KIFC3: variants seen among roughly 807,000 people sequenced by gnomAD.
KIFC3 encodes kinesin-like protein KIFC3.
KIFC3 carries 60 observed loss-of-function variants against 101.8 expected under a neutral mutation model. That is an observed-to-expected ratio of 0.59 (90% confidence interval 0.48 to 0.73). The LOEUF (loss-of-function observed/expected upper bound fraction) is 0.73. Among genes scored for constraint, KIFC3 ranks in the 30% least tolerant of loss-of-function variants. The probability of loss-of-function intolerance (pLI) is 0.00; values close to 1 mark genes in which losing one functional copy is unlikely to be tolerated. For synonymous variants in KIFC3, 476 were observed against 482.7 expected (o/e 0.99, Z 0.18); for missense variants, 966 against 1,137.1 (o/e 0.85, Z 2.16).
intron 3 of KIFC3, among the ~76,000 whole-genome samples, chr16:57,793,369 G>A (rs1308614291): frequency 6.6e-6 from 1 of 151,548 alleles, no homozygotes; most frequent in African/African-American, 2.4e-5. Flanking sequence ...GGGGCGGGCA[G>A]ATCACTCGAG....
intron 1 of KIFC3, among the ~76,000 whole-genome samples, chr16:57,827,861 A>G (rs958465459): frequency 6.6e-6 from 1 of 152,216 alleles, no homozygotes; most frequent in Admixed American, 6.5e-5. Flanking sequence ...AAGAAAAGAA[A>G]AATACCTCAT....
chr16:57,813,975 T>A, intron 1 of KIFC3: 1 of 573,106 alleles, frequency 1.7e-6, no homozygotes, highest in South Asian at 7.6e-5. Context: ...ACTGTCCTCA[T>A]GCTATAGATT....
chr16:57,788,640 G>A (rs1323456287), intron 3 of KIFC3: 41 of 1,289,450 alleles, frequency 3.2e-5, no homozygotes, highest in East Asian at 5.5e-5. Context: ...GGGGGCCGGC[G>A]CCTGTCTCTT....
chr16:57,770,071 CAT>C lies in KIFC3; in HGVS notation c.940-118_940-117del, dbSNP rs782250842. On this transcript the variant is annotated intron_variant, in intron 7 of 19. Coordinates refer to ENST00000445690, the MANE Select transcript of KIFC3 (RefSeq NM_001130100.2). The stretch of plus-strand genomic sequence containing the variant: ...GCACATGAACACACATGCACACACA[CAT>C]GTGCACACCCAGAGGGGCAGAATGG... 157 of 1,233,644 alleles carry C rather than the reference CAT, an allele frequency of 1.3e-4. 1 individual carries two copies. In the East Asian group the frequency reaches 3.0e-3, roughly 24 times the overall value. 76.4% of individuals were successfully genotyped at this position (1,233,644 alleles called of 1,614,324 possible).
chr16:57,798,463 G>T, intron 1 of KIFC3, 181 bp from the exon 2 acceptor site: 1 of 618,750 alleles, frequency 1.6e-6, no homozygotes, highest in South Asian at 1.9e-5. Context: ...GGGGCCTGCT[G>T]CCTTTTGGGG....
At chr16:57,806,502 G>A (rs2054941020), upstream of KIFC3, among the ~76,000 whole-genome samples, 1 of 152,116 alleles carries the variant, frequency 6.6e-6, no homozygotes, top group Admixed American at 6.6e-5. Flanking sequence ...TTCAGGACAG[G>A]ACCCTTTCGT....
At chr16:57,775,513 G>A (rs1226680696) in intron 3 of KIFC3, 7 of 987,598 alleles carry the variant, frequency 7.1e-6, no homozygotes, top group Non-Finnish European at 8.4e-6. Flanking sequence ...CAGGCAAGAA[G>A]TCAGAGAGAA....
Position 57,760,879 on chromosome 16 carries a change from C to T in KIFC3, c.2079G>A (p.Glu693=), listed in dbSNP as rs1329089273. Residue 693 remains glutamate, a synonymous_variant, in exon 16 of 20, where the codon GAG becomes GAA. Transcript: ENST00000445690. ...ACAGCGACTTGTTGATGTGCTGCGC[C>T]TCCCGCAGGCGGCTGCCCTCGGCCC... ...KSGAEGSRLR[E]AQHINKSLSA... The T allele has an allele frequency of 6.2e-7, 1 of 1,611,590 alleles. No homozygotes were observed. Among genetic ancestry groups the T allele is most frequent in the Non-Finnish European group, 8.5e-7 (1 of 1,179,828 alleles).
intron 17 of KIFC3, 46 bp from the exon 18 acceptor site, chr16:57,759,882 G>T: frequency 6.9e-7 from 1 of 1,439,854 alleles, no homozygotes; most frequent in Non-Finnish European, 9.5e-7. Context: ...GGCTGCCCTG[G>T]CTCCCCACCC....
chr16:57,759,980 TCA>T lies in KIFC3; in HGVS notation c.2368-146_2368-145del, dbSNP rs1265118031. On this transcript the variant is annotated intron_variant, in intron 17 of 19. Coordinates refer to ENST00000445690, the MANE Select transcript of KIFC3 (RefSeq NM_001130100.2). ...TGGGCATGATGTTTGTGCCCCAGCC[TCA>T]GTTATGGCAAGAATTAAATGAGATA... 9 of 642,270 alleles carry T rather than the reference TCA, an allele frequency of 1.4e-5. No homozygotes were observed. The East Asian group carries it at 1.4e-4, about 10-fold the overall frequency. The allele number at this position is 642,270 out of a possible 1,614,324, so 39.8% of individuals were successfully genotyped here.
At chr16:57,843,406 C>T (rs247040) in intron 1 of KIFC3, among the ~76,000 whole-genome samples, 114,127 of 152,016 alleles carry the variant, frequency 0.75, 43,054 homozygotes, top group East Asian at 0.9. Flanking sequence ...TTACTGTTGG[C>T]CCATTTCACA....
intron 3 of KIFC3, chr16:57,775,815 G>A (rs561213630): frequency 2.0e-6 from 2 of 985,426 alleles, no homozygotes; most frequent in Non-Finnish European, 2.4e-6. Flanking sequence ...TCCCAGGACA[G>A]CATGGACGTC....
chr16:57,767,501 T>A lies in KIFC3; in HGVS notation c.1219-516A>T, dbSNP rs1226166530. ...GTACACAAATCACACATCCCCTTTC[T>A]GGAGTAGAAGGGAAGTGTATACAGT... On this transcript the variant is annotated intron_variant, in intron 9 of 19. Coordinates refer to ENST00000445690, the MANE Select transcript of KIFC3 (RefSeq NM_001130100.2). Among the ~76,000 whole-genome samples, 3 of 152,192 alleles carry A rather than the reference T, an allele frequency of 2.0e-5. No homozygotes were observed. In the South Asian group the frequency reaches 6.2e-4, roughly 32 times the overall value.
Position 57,765,622 on chromosome 16 carries a change from G to A in KIFC3, c.1349C>T (p.Ala450Val), listed in dbSNP as rs1555602246. The change falls in exon 11 of 20, where the codon GCT (alanine) becomes GTT (valine). Residue 450 changes from alanine to valine, a missense_variant. Ala to Val is a moderately conservative substitution (Grantham distance 64, BLOSUM62 0). Around this residue, in one of 2 missense-constraint regions of KIFC3, gnomAD observed 689 missense variants for 884.6 expected, o/e 0.78. Coordinates refer to ENST00000445690, the MANE Select transcript of KIFC3 (RefSeq NM_001130100.2). Reference sequence around the variant, plus strand: ...CTCTTTGGTGACTGGCCGGACACGAGCAATCACTCGGATGTTCCCTGGATT... The same window carrying A: ...CTCTTTGGTGACTGGCCGGACACGAACAATCACTCGGATGTTCCCTGGATT... ...VRLKGNIRVIARVRPVTKEDG... is the reference protein window; with the variant it reads ...VRLKGNIRVIVRVRPVTKEDG... 1.2e-6 allele frequency: 2 copies of A among 1,611,314 alleles called. No homozygotes were observed. The highest frequency in any genetic ancestry group is 8.5e-7 in the Non-Finnish European group (1 of 1,178,788).
At chr16:57,847,714 T>C (rs866830695) in intron 1 of KIFC3, among the ~76,000 whole-genome samples, 1 of 152,082 alleles carries the variant, frequency 6.6e-6, no homozygotes, top group African/African-American at 2.4e-5. Flanking sequence ...TTTGGCCTTA[T>C]TGTTCAAGAA....
At chr16:57,776,493 G>GT (rs2052108688) in intron 3 of KIFC3, 6 of 821,880 alleles carry the variant, frequency 7.3e-6, no homozygotes, top group Non-Finnish European at 8.8e-6. Flanking sequence ...TACCTGCTGG[G>GT]TAACCTTGGA....
intron 4 of KIFC3, among the ~76,000 whole-genome samples, chr16:57,772,003 C>G (rs1850985901): frequency 6.6e-6 from 1 of 151,972 alleles, no homozygotes; most frequent in South Asian, 2.1e-4. Context: ...GTTCACACTC[C>G]CGTTTAATGT....
chr16:57,820,629 C>A (rs1438784781), intron 1 of KIFC3, among the ~76,000 whole-genome samples: 1 of 152,186 alleles, frequency 6.6e-6, no homozygotes, highest in Admixed American at 6.5e-5. Flanking sequence ...CCTTAACCTC[C>A]TGGTTTATTT....
chr16:57,806,689 G>A (rs1489406651), upstream of KIFC3, among the ~76,000 whole-genome samples: 2 of 152,356 alleles, frequency 1.3e-5, no homozygotes, highest in African/African-American at 4.8e-5. Context: ...CCAAAAGGAA[G>A]TAAGAGAAGG....
Sources: gnomAD v4.1 joint callset for allele counts (sites outside exome capture counted in the v4.1 genomes callset) on GRCh38, gnomAD v4.1.1 for gene constraint, gnomAD v4.1.1 regional missense constraint, MANE v1.5 for transcripts, NCBI Gene and HGNC (gene_info 2026-07-23, HGNC 2026-07-21) for gene names.